HPS1: variants seen among roughly 807,000 people sequenced by gnomAD.
HPS1 encodes the protein HPS1 biogenesis of lysosomal organelles complex 3 subunit 1, also known as BLOC-3 complex member HPS1.
In HPS1, 59 loss-of-function variants were observed where a neutral mutation model predicts 90.6. That is an observed-to-expected ratio of 0.65 (90% CI 0.53 to 0.81). The LOEUF (loss-of-function observed/expected upper bound fraction) is 0.81, where lower values mean the gene tolerates loss of function less well. Among genes scored for constraint, HPS1 ranks in the 30% least tolerant of loss-of-function variants. HPS1 has a pLI of 0.00. For synonymous variants in HPS1, 388 were observed against 384.4 expected (o/e 1.01, Z -0.11); for missense variants, 849 against 896.7 (o/e 0.95, Z 0.68).
intron 3 of HPS1, 21 bp downstream of exon 3, chr10:98,443,103 G>A: frequency 1.3e-6 from 2 of 1,530,094 alleles, no homozygotes; most frequent in Non-Finnish European, 1.8e-6. Flanking sequence ...CCCCTCCTGG[G>A]ACTGCCTACC....
intron 1 of HPS1, among the ~76,000 whole-genome samples, chr10:98,446,295 A>G (rs1939528335): frequency 6.6e-6 from 1 of 152,182 alleles, no homozygotes. Flanking sequence ...GCTGCTGGGA[A>G]GAGAACCTCG....
intron 3 of HPS1, among the ~76,000 whole-genome samples, chr10:98,440,143 T>C (rs1330641117): frequency 6.6e-6 from 1 of 152,152 alleles, no homozygotes; most frequent in Non-Finnish European, 1.5e-5. Flanking sequence ...TTCTTTATAG[T>C]GGTAAGAAAA....
intron 6 of HPS1, among the ~76,000 whole-genome samples, chr10:98,431,990 T>C (rs534032922): frequency 6.6e-6 from 1 of 152,238 alleles, no homozygotes; most frequent in Admixed American, 6.5e-5. Flanking sequence ...ATAGCATAAC[T>C]CAATTTGCAC....
rs373571136 is a variant in HPS1 at position 98,430,589 on chromosome 10, T to G, written c.750A>C (p.Thr250=). The G allele has an allele frequency of 1.9e-6, 3 of 1,553,982 alleles. No individual in the cohort carries two copies. The African/African-American group carries it at 4.1e-5, about 21-fold the overall frequency. ...CTGAGACCTGAATGTCGTCCTCTGC[T>G]GTGCTCTCGCTGGGGTAGAGGTCCT... ...LVQDLYPSES[T]AEDDIQPSPR... Residue 250 remains threonine (T), a synonymous_variant, in exon 8 of 20, where the codon ACA becomes ACC. Transcript: ENST00000361490.
downstream of HPS1, chr10:98,415,325 C>T (rs2274245): frequency 0.3 from 220,619 of 728,566 alleles, 37,710 homozygotes; most frequent in African/African-American, 0.53. Context: ...GCTGGGCCGT[C>T]GGGAGTGTTG....
At position 98,435,568 on chromosome 10, in the gene HPS1, G is replaced by C; in HGVS notation, c.255+67C>G. 6.2e-7 allele frequency: 1 copy of C among 1,610,262 alleles called. No individual in the cohort carries two copies. The highest frequency in any genetic ancestry group is 8.5e-7 in the Non-Finnish European group (1 of 1,176,760). Reference sequence around the variant, plus strand: ...TAAAGGAGTCTAAAGTTCCAAATAAGAGAGGCCTGTGGACTCCCCATCAAG... The same window carrying C: ...TAAAGGAGTCTAAAGTTCCAAATAACAGAGGCCTGTGGACTCCCCATCAAG... On this transcript the variant is annotated intron_variant, in intron 4 of 19. Coordinates refer to ENST00000361490, the MANE Select transcript of HPS1 (RefSeq NM_000195.5). This position sits in a 1 kb window ranked among gnomAD's most constrained non-coding sequence, Gnocchi z 4.3.
At position 98,424,354 on chromosome 10, in the gene HPS1, C is replaced by G. The variant is rs1429476839; in HGVS notation, c.1356G>C (p.Lys452Asn). The G allele has an allele frequency of 1.9e-6, 3 of 1,612,764 alleles. No individual in the cohort carries two copies. Among genetic ancestry groups the G allele is most frequent in the South Asian group, 2.2e-5 (2 of 90,648 alleles). The change falls in exon 14 of 20, where the codon AAG (lysine) becomes AAC (asparagine). Residue 452 changes from lysine to asparagine, a missense_variant. By Grantham distance (94) the Lys-to-Asn change is moderately conservative. Coordinates refer to ENST00000361490, the MANE Select transcript of HPS1 (RefSeq NM_000195.5). ...QEIQSTWLEF[K>N]AKAFSKSEPG... The stretch of plus-strand genomic sequence containing the variant: ...GCTCACTTTTGGAGAAAGCCTTGGC[C>G]TTAAACTCCAGCCAGGTGCTCTGGA...
intron 6 of HPS1, 21 bp downstream of exon 6, chr10:98,433,962 A>G (rs1267792725): frequency 1.1e-5 from 17 of 1,551,810 alleles, no homozygotes; most frequent in Non-Finnish European, 1.4e-5. Context: ...AGTCCTGAGG[A>G]CTCCCGCGCC....
intron 3 of HPS1, among the ~76,000 whole-genome samples, chr10:98,436,220 A>G (rs188413355): frequency 6.6e-6 from 1 of 152,316 alleles, no homozygotes; most frequent in Non-Finnish European, 1.5e-5. Flanking sequence ...TTATAATAGC[A>G]AACAACTGGA....
intron 2 of HPS1, among the ~76,000 whole-genome samples, chr10:98,444,467 G>A (rs1028042500): frequency 6.6e-6 from 1 of 152,192 alleles, no homozygotes; most frequent in African/African-American, 2.4e-5. Flanking sequence ...CTGCAGCTAA[G>A]AGGCCTCAGG....
In HPS1 at chr10:98,445,533, C is replaced by G. The variant is rs969484420; in HGVS notation, c.-105-129G>C. ...TGGTCTCTCCAGGCCCTGAGGCAGT[C>G]TGCTAAGAACATATCTGGGATCCTG... On this transcript the variant is annotated intron_variant, in intron 1 of 19. Coordinates refer to ENST00000361490, the MANE Select transcript of HPS1 (RefSeq NM_000195.5). The surrounding 1 kb of genome is among the most constrained non-coding windows in gnomAD (Gnocchi z 4.5). 6.6e-6 allele frequency: 1 copy of G among 152,432 alleles called. No homozygotes were observed. The highest frequency in any genetic ancestry group is 1.5e-5 in the Non-Finnish European group (1 of 68,214). The allele number at this position is 152,432 out of a possible 1,614,324, so 9.4% of individuals were successfully genotyped here.
At chr10:98,419,322 GA>G (rs1303823146) in intron 18 of HPS1, among the ~76,000 whole-genome samples, 1 of 152,184 alleles carries the variant, frequency 6.6e-6, no homozygotes, top group African/African-American at 2.4e-5. Context: ...CTGAGAGCTG[GA>G]ACAACCACTT....
Position 98,435,842 on chromosome 10 carries a change from T to C in HPS1, c.118-70A>G. On this transcript the variant is annotated intron_variant, in intron 3 of 19. Transcript: ENST00000361490. This position sits in a 1 kb window ranked among gnomAD's most constrained non-coding sequence, Gnocchi z 4.3. ...ACCAAGAACTAAGGAAGGGACAAGA[T>C]CAGGCCTTGATATCAAGGGTTCCAT... is the stretch of plus-strand genomic sequence containing the variant. 4.4e-6 allele frequency: 7 copies of C among 1,600,524 alleles called. No individual in the cohort carries two copies. The highest frequency in any genetic ancestry group is 3.4e-4 in the Middle Eastern group (2 of 5,958).
chr10:98,423,647 C>G lies in HPS1; in HGVS notation c.1554G>C (p.Lys518Asn). The G allele has an allele frequency of 6.2e-7, 1 of 1,614,050 alleles. No individual in the cohort carries two copies. The highest frequency in any genetic ancestry group is 8.5e-7 in the Non-Finnish European group (1 of 1,179,972). Residue 518 changes from lysine to asparagine, a missense_variant, in exon 16 of 20, where the codon AAG (lysine) becomes AAC (asparagine). Physicochemically the swap from Lys to Asn is moderately conservative, Grantham distance 94. Transcript: ENST00000361490. Reference protein sequence around the residue: ...RLMREKLTDWKDFLLVKSRRN... With the variant: ...RLMREKLTDWNDFLLVKSRRN... ...TCCTGCTCTTCACCAGCAAGAAGTC[C>G]TTCCAGTCCGTCAGCTTCTCCCTGC...
At chr10:98,442,170 C>A (rs1938550422) in intron 3 of HPS1, among the ~76,000 whole-genome samples, 1 of 152,166 alleles carries the variant, frequency 6.6e-6, no homozygotes, top group African/African-American at 2.4e-5. Context: ...ATACATGCCA[C>A]AACACAGATG....
At chr10:98,442,150 T>A (rs888890310) in intron 3 of HPS1, among the ~76,000 whole-genome samples, 3 of 152,222 alleles carry the variant, frequency 2.0e-5, no homozygotes, top group Non-Finnish European at 4.4e-5. Context: ...TGACAAGGAA[T>A]GAACGATTGA....
intron 10 of HPS1, among the ~76,000 whole-genome samples, chr10:98,428,829 A>G (rs537562848): frequency 6.7e-6 from 1 of 149,732 alleles, no homozygotes; most frequent in Non-Finnish European, 1.5e-5. Flanking sequence ...AACATTTTGA[A>G]TATTTGTAGT....
At chr10:98,422,029 G>A (rs991665329) in intron 17 of HPS1, among the ~76,000 whole-genome samples, 2 of 144,878 alleles carry the variant, frequency 1.4e-5, no homozygotes, top group African/African-American at 5.1e-5. Flanking sequence ...TAGTTTTTTT[G>A]GAGAGTGGCA....
intron 3 of HPS1, 59 bp downstream of exon 3, chr10:98,443,065 G>A: frequency 8.4e-7 from 1 of 1,193,904 alleles, no homozygotes; most frequent in Non-Finnish European, 1.3e-6. Flanking sequence ...CTGCCTGCTG[G>A]GAGTTTTGTA....
Sources: allele counts gnomAD v4.1 joint callset (sites outside exome capture counted in the v4.1 genomes callset), GRCh38; gene constraint gnomAD v4.1.1; non-coding constraint Gnocchi (gnomAD v3.1); transcripts MANE v1.5; gene names NCBI Gene and HGNC (gene_info 2026-07-23, HGNC 2026-07-21).